The following DPT variants were observed in gnomAD, a reference collection of about 807,000 sequenced individuals.
DPT encodes the protein dermatopontin.
In DPT, 21 loss-of-function variants were observed where a neutral mutation model predicts 31.2. That is an observed-to-expected ratio of 0.67 (90% CI 0.48 to 0.97). The LOEUF is 0.97. Ranked by LOEUF, DPT falls within the 50% of genes least tolerant of loss-of-function variation. DPT has a pLI of 0.00. For synonymous variants in DPT, 91 were observed against 86.9 expected (o/e 1.05, Z -0.26); for missense variants, 262 against 258.8 (o/e 1.01, Z -0.08).
intron 2 of DPT, among the ~76,000 whole-genome samples, chr1:168,704,380 T>C (rs1306428751): frequency 6.6e-6 from 1 of 152,128 alleles, no homozygotes; most frequent in East Asian, 1.9e-4. Flanking sequence ...TCCTTTCCCC[T>C]AAAGTAAAGT....
chr1:168,705,643 A>G (rs1279454827), intron 2 of DPT, among the ~76,000 whole-genome samples: 2 of 152,248 alleles, frequency 1.3e-5, no homozygotes, highest in Non-Finnish European at 2.9e-5. Flanking sequence ...TCTGTTGGTC[A>G]TTCAATATTG....
At chr1:168,715,920 C>A (rs1011246025) in intron 1 of DPT, among the ~76,000 whole-genome samples, 1 of 152,226 alleles carries the variant, frequency 6.6e-6, no homozygotes. Flanking sequence ...ATGTGCATGG[C>A]CAGACAGCTG....
chr1:168,717,352 T>C (rs570307893), intron 1 of DPT, among the ~76,000 whole-genome samples: 3 of 152,346 alleles, frequency 2.0e-5, no homozygotes, highest in South Asian at 2.1e-4. Flanking sequence ...ATAAATGTCT[T>C]CTTTTGAGAA....
At chr1:168,704,463 C>G (rs1572625712) in intron 2 of DPT, among the ~76,000 whole-genome samples, 1 of 152,208 alleles carries the variant, frequency 6.6e-6, no homozygotes, top group African/African-American at 2.4e-5. Flanking sequence ...AGGAGAATGG[C>G]GTGAACCCGG....
intron 1 of DPT, among the ~76,000 whole-genome samples, chr1:168,717,067 C>T (rs1039207255): frequency 6.6e-6 from 1 of 152,172 alleles, no homozygotes; most frequent in East Asian, 1.9e-4. Flanking sequence ...TGGGTATATA[C>T]CCATTAATGG....
At chr1:168,712,014 C>G (rs964091962) in intron 2 of DPT, among the ~76,000 whole-genome samples, 1 of 152,028 alleles carries the variant, frequency 6.6e-6, no homozygotes, top group African/African-American at 2.4e-5. Context: ...ATTTTCTGGG[C>G]CACTTCACAT....
intron 1 of DPT, among the ~76,000 whole-genome samples, chr1:168,717,314 A>G (rs193224970): frequency 2.6e-3 from 391 of 152,164 alleles, no homozygotes; most frequent in Middle Eastern, 0.01. Context: ...AGTGAGGTTG[A>G]GCTTTTTTTC....
intron 1 of DPT, among the ~76,000 whole-genome samples, chr1:168,716,823 T>C (rs1649996921): frequency 1.3e-5 from 2 of 152,326 alleles, no homozygotes; most frequent in African/African-American, 4.8e-5. Context: ...TCTGTTCCTG[T>C]GTTAGTTTGC....
At chr1:168,727,502 T>C (rs1035014498) in intron 1 of DPT, among the ~76,000 whole-genome samples, 17 of 151,914 alleles carry the variant, frequency 1.1e-4, no homozygotes, top group African/African-American at 3.1e-4. Context: ...ACTGGTTGTG[T>C]CCCCCAGGGT....
At chr1:168,723,174 T>C (rs1309187044) in intron 1 of DPT, among the ~76,000 whole-genome samples, 1 of 152,222 alleles carries the variant, frequency 6.6e-6, no homozygotes, top group Admixed American at 6.5e-5. Context: ...GATATCTTTT[T>C]TAGGTCAGCA....
intron 3 of DPT, among the ~76,000 whole-genome samples, chr1:168,699,192 A>G (rs1649531472): frequency 6.6e-6 from 1 of 152,090 alleles, no homozygotes; most frequent in Admixed American, 6.6e-5. Context: ...ACATAGAACT[A>G]ATTTTCTTGT....
chr1:168,708,211 T>C (rs749922637), intron 2 of DPT, among the ~76,000 whole-genome samples: 4 of 152,248 alleles, frequency 2.6e-5, no homozygotes, highest in Admixed American at 6.5e-5. Flanking sequence ...ATTGTTTTTT[T>C]CTGAATATTT....
intron 1 of DPT, among the ~76,000 whole-genome samples, chr1:168,722,147 G>T: frequency 6.6e-6 from 1 of 152,104 alleles, no homozygotes; most frequent in East Asian, 1.9e-4. Context: ...GGTCACACAG[G>T]AATTGCATGA....
intron 2 of DPT, among the ~76,000 whole-genome samples, chr1:168,705,252 T>C (rs1649693540): frequency 6.6e-6 from 1 of 152,232 alleles, no homozygotes; most frequent in South Asian, 2.1e-4. Context: ...TCAAACTTCA[T>C]AGCACTGAGA....
Position 168,729,119 on chromosome 1 carries a change from T to C in DPT, c.56A>G (p.Gln19Arg), listed in dbSNP as rs757277538. ...LLPLVTMAWG[Q>R]YGDYGYPYQQ... is the part of the protein sequence containing the mutation. ...GTATGGGTATCCATAATCGCCATACTGGCCCCAGGCCATGGTGACTAGGGG... is the reference window on the plus strand; with the variant it reads ...GTATGGGTATCCATAATCGCCATACCGGCCCCAGGCCATGGTGACTAGGGG... Residue 19 changes from glutamine (Q) to arginine (R), a missense_variant, in exon 1 of 4, where the codon CAG becomes CGG. Coordinates refer to ENST00000367817, the MANE Select transcript of DPT (RefSeq NM_001937.5). 2 of 1,614,084 alleles carry C rather than the reference T, an allele frequency of 1.2e-6. No homozygotes were observed. Among genetic ancestry groups the C allele is most frequent in the Non-Finnish European group, 1.7e-6 (2 of 1,180,028 alleles).
chr1:168,721,376 A>C (rs1198580935), intron 1 of DPT, among the ~76,000 whole-genome samples: 1 of 152,222 alleles, frequency 6.6e-6, no homozygotes, highest in African/African-American at 2.4e-5. Flanking sequence ...TATCAAGTGT[A>C]GCATAGAACC....
intron 2 of DPT, among the ~76,000 whole-genome samples, chr1:168,712,228 C>T (rs1001640762): frequency 3.9e-5 from 6 of 152,122 alleles, no homozygotes; most frequent in Non-Finnish European, 7.3e-5. Context: ...GAGGCATCTA[C>T]GAAGGGCAGA....
In DPT at chr1:168,710,281, T is replaced by G. The variant is rs146070853; in HGVS notation, c.431+3940A>C. On this transcript the variant is annotated intron_variant, in intron 2 of 3. Transcript: ENST00000367817. The stretch of plus-strand genomic sequence containing the variant: ...TTTGGTGACCGTGATAGCTCTCAGC[T>G]CTAACACCATGCCTTCAGAAATAGA... 2.6e-3 allele frequency among the ~76,000 whole-genome samples: 388 copies of G among 146,636 alleles called. 5 individuals carry two copies. Among genetic ancestry groups the G allele is most frequent in the African/African-American group, 9.5e-3 (369 of 38,924 alleles).
rs766920417 is a variant in DPT, at chr1:168,728,972, C to A, written c.203G>T (p.Gly68Val). Residue 68 changes from glycine to valine, a missense_variant, in exon 1 of 4, where the codon GGT becomes GTT. Physicochemically the swap from Gly to Val is moderately radical, Grantham distance 109. Transcript: ENST00000367817. ...GGCGTAGTTCCATTGTCTGTCAGAACCTTCCTTCTTGCTGAAGATGCTCCT... is the reference window on the plus strand; with the variant it reads ...GGCGTAGTTCCATTGTCTGTCAGAAACTTCCTTCTTGCTGAAGATGCTCCT... ...AVRSIFSKKEGSDRQWNYACM... is the reference protein window; with the variant it reads ...AVRSIFSKKEVSDRQWNYACM... 12 of 1,614,108 alleles carry A rather than the reference C, an allele frequency of 7.4e-6. No individual in the cohort carries two copies. Among genetic ancestry groups the A allele is most frequent in the Admixed American group, 1.7e-5 (1 of 60,012 alleles).
Sources: gnomAD v4.1 joint callset for allele counts (sites outside exome capture counted in the v4.1 genomes callset) on GRCh38, gnomAD v4.1.1 for gene constraint, MANE v1.5 for transcripts, NCBI Gene and HGNC (gene_info 2026-07-23, HGNC 2026-07-21) for gene names.